The following L3MBTL1 variants were observed in gnomAD, a reference collection of about 807,000 sequenced individuals.
L3MBTL1 encodes the protein lethal(3)malignant brain tumor-like protein 1.
L3MBTL1 carries 75 observed loss-of-function variants against 105.3 expected under a neutral mutation model. The ratio of observed to expected loss-of-function variants is 0.71; its 90% confidence interval spans 0.59 to 0.86. L3MBTL1 has a LOEUF of 0.86. Among genes scored for constraint, L3MBTL1 ranks in the 40% least tolerant of loss-of-function variants. L3MBTL1 has a pLI of 0.00. For missense variants in L3MBTL1, 1,069 were observed against 1,126.4 expected, an observed-to-expected ratio of 0.95 and a Z score of 0.73; for synonymous variants, 452 against 436.2, an observed-to-expected ratio of 1.04 and a Z score of -0.45.
chr20:43,507,929 G>A (rs896512829), intron 1 of L3MBTL1, among the ~76,000 whole-genome samples, 185 bp downstream of exon 1: 2 of 152,162 alleles, frequency 1.3e-5, no homozygotes, highest in Non-Finnish European at 2.9e-5. Context: ...CGGTCTGGGC[G>A]GAGCGCGCAG....
chr20:43,517,609 C>T (rs894727143), intron 7 of L3MBTL1, among the ~76,000 whole-genome samples: 3 of 152,184 alleles, frequency 2.0e-5, no homozygotes, highest in Non-Finnish European at 4.4e-5. Flanking sequence ...TGGTGCTTAG[C>T]TAGAGCCTGG....
downstream of L3MBTL1, among the ~76,000 whole-genome samples, chr20:43,544,688 G>C (rs184394852): frequency 6.6e-6 from 1 of 152,180 alleles, no homozygotes; most frequent in Admixed American, 6.5e-5. Context: ...AATCCTGACC[G>C]GGGCGGTGGT....
chr20:43,547,069 G>T (rs946510572), intron 18 of L3MBTL1, among the ~76,000 whole-genome samples: 1 of 150,538 alleles, frequency 6.6e-6, no homozygotes, highest in Non-Finnish European at 1.5e-5. Context: ...TTCTAGAAGA[G>T]CCCCTCCCAT....
chr20:43,535,229 C>T (rs2019547028), intron 16 of L3MBTL1, among the ~76,000 whole-genome samples: 1 of 152,166 alleles, frequency 6.6e-6, no homozygotes, highest in Non-Finnish European at 1.5e-5. Flanking sequence ...AGGGATTTCT[C>T]TCAGCATCTA....
At chr20:43,544,048 A>G (rs1454263417), downstream of L3MBTL1, among the ~76,000 whole-genome samples, 1 of 152,178 alleles carries the variant, frequency 6.6e-6, no homozygotes, top group Non-Finnish European at 1.5e-5. Flanking sequence ...AAGGGCCGTG[A>G]AAGACACATG....
intron 8 of L3MBTL1, among the ~76,000 whole-genome samples, chr20:43,529,050 TGA>T (rs1411097342): frequency 1.3e-5 from 2 of 152,192 alleles, no homozygotes; most frequent in African/African-American, 4.8e-5. Flanking sequence ...AGGGAGCCCT[TGA>T]GTCCAGCCCT....
At chr20:43,532,543 A>G in intron 11 of L3MBTL1, 2 of 474,084 alleles carry the variant, frequency 4.2e-6, no homozygotes, top group Admixed American at 7.4e-5. Flanking sequence ...ACCTTCTGAC[A>G]CAAGCCAGGC....
exon 19 of L3MBTL1, chr20:43,548,444 C>T (rs1978772413): frequency 3.1e-6 from 1 of 324,054 alleles, no homozygotes; most frequent in Non-Finnish European, 5.9e-6. Flanking sequence ...TCCTAGAGCT[C>T]ATTCGTCACC....
At chr20:43,516,032 C>A in intron 6 of L3MBTL1, 61 bp from the exon 7 acceptor site, 1 of 1,321,840 alleles carries the variant, frequency 7.6e-7, no homozygotes, top group East Asian at 2.3e-5. Flanking sequence ...CAGGATCAGA[C>A]CCTAGGGCTT....
At chr20:43,535,257 G>A (rs1484179968) in intron 16 of L3MBTL1, among the ~76,000 whole-genome samples, 2 of 152,156 alleles carry the variant, frequency 1.3e-5, no homozygotes, top group African/African-American at 2.4e-5. Flanking sequence ...CACACTGAGC[G>A]TGCACTGTTT....
chr20:43,534,353 C>G lies in L3MBTL1; in HGVS notation c.1669C>G (p.Arg557Gly). The change falls in exon 15 of 22, where the codon CGC becomes GGC. Residue 557 changes from arginine (R) to glycine (G), a missense_variant. Arg to Gly is a moderately radical substitution (Grantham distance 125). Coordinates refer to ENST00000418998, the MANE Select transcript of L3MBTL1 (RefSeq NM_001377303.1). ...GGACCGCAGGAACCCAGCCCTGATT[C>G]GCGTGGCCAGCGTGGAGGATGTGGA... ...AVDRRNPALI[R>G]VASVEDVEDH... 1 of 1,614,092 alleles carries G rather than the reference C, an allele frequency of 6.2e-7. No individual in the cohort carries two copies. The highest frequency in any genetic ancestry group is 8.5e-7 in the Non-Finnish European group (1 of 1,179,998).
intron 11 of L3MBTL1, 80 bp from the exon 12 acceptor site, chr20:43,532,693 A>T: frequency 1.4e-6 from 2 of 1,473,746 alleles, no homozygotes. Context: ...TAGAGAACCT[A>T]TTCCTTTGTT....
intron 19 of L3MBTL1, among the ~76,000 whole-genome samples, chr20:43,537,634 G>T (rs925562328): frequency 3.9e-5 from 6 of 152,186 alleles, no homozygotes; most frequent in African/African-American, 1.4e-4. Flanking sequence ...TAGTGGCTGA[G>T]CCCTCCCCTA....
At chr20:43,515,680 T>C in intron 6 of L3MBTL1, 1 of 487,008 alleles carries the variant, frequency 2.1e-6, no homozygotes. Context: ...GCACCCAAAG[T>C]ACATGTGCAG....
At position 43,511,101 on chromosome 20, in the gene L3MBTL1, A is replaced by T. The variant is rs567532302; in HGVS notation, c.-28-2375A>T. On this transcript the variant is annotated intron_variant, in intron 1 of 21. Coordinates refer to ENST00000418998, the MANE Select transcript of L3MBTL1 (RefSeq NM_001377303.1). ...TGCTCTGTCTCCCAGGCTGGAGTAC[A>T]GTGGGACGATCTCGGCTCACTGCAA... Among the ~76,000 whole-genome samples the T allele has an allele frequency of 5.7e-4, 87 of 152,064 alleles. 1 individual carries two copies. The highest frequency in any genetic ancestry group is 2.1e-3 in the African/African-American group (87 of 41,468).
In L3MBTL1 at chr20:43,535,816, G is replaced by T. The variant is rs199631034; in HGVS notation, c.1826-21G>T. ...CCACCCCCAGGACTCCATGAGGACCGCCTCCTTTCTGCTCTTTTAGGACCC... is the reference window on the plus strand; with the variant it reads ...CCACCCCCAGGACTCCATGAGGACCTCCTCCTTTCTGCTCTTTTAGGACCC... On this transcript the variant is annotated intron_variant, in intron 16 of 21. Transcript: ENST00000418998. 4 of 1,516,916 alleles carry T rather than the reference G, an allele frequency of 2.6e-6. No homozygotes were observed. The South Asian group carries it at 3.7e-5, about 14-fold the overall frequency. The allele number at this position is 1,516,916 out of a possible 1,614,324, so 94.0% of individuals were successfully genotyped here.
At chr20:43,538,387 C>T (rs773945572) in intron 19 of L3MBTL1, among the ~76,000 whole-genome samples, 1 of 152,194 alleles carries the variant, frequency 6.6e-6, no homozygotes, top group Non-Finnish European at 1.5e-5. Flanking sequence ...CACCCAGATC[C>T]TTGAGGCACT....
At chr20:43,515,778 A>G in intron 6 of L3MBTL1, 5 of 453,774 alleles carry the variant, frequency 1.1e-5, no homozygotes, top group Non-Finnish European at 1.6e-5. Context: ...GCTGGAAGGG[A>G]CAGAGCATGA....
At chr20:43,543,708 G>A (rs1978380034), downstream of L3MBTL1, among the ~76,000 whole-genome samples, 1 of 152,202 alleles carries the variant, frequency 6.6e-6, no homozygotes, top group African/African-American at 2.4e-5. Context: ...AGGGACACCA[G>A]TCAAGATGCT....
Sources: allele counts gnomAD v4.1 joint callset (sites outside exome capture counted in the v4.1 genomes callset), GRCh38; gene constraint gnomAD v4.1.1; transcripts MANE v1.5; gene names NCBI Gene and HGNC (gene_info 2026-07-23, HGNC 2026-07-21).